The following GULP1 variants were observed in gnomAD, a reference collection of about 807,000 sequenced individuals.
The protein encoded by GULP1 is PTB domain-containing engulfment adapter protein 1.
GULP1 carries 19 observed loss-of-function variants against 40.9 expected under a neutral mutation model. The observed-to-expected ratio is 0.46, with a 90% confidence interval of 0.32 to 0.68. The LOEUF (loss-of-function observed/expected upper bound fraction) is 0.68, where lower values mean the gene tolerates loss of function less well. Among genes scored for constraint, GULP1 ranks in the 30% least tolerant of loss-of-function variants. GULP1 has a pLI of 0.03. For missense variants in GULP1, 312 were observed against 362.2 expected (o/e 0.86, Z 1.12); for synonymous variants, 119 against 117.6 (o/e 1.01, Z -0.08).
intron 6 of GULP1, among the ~76,000 whole-genome samples, chr2:188,538,262 G>T (rs1052574726): frequency 1.3e-5 from 2 of 151,908 alleles, no homozygotes; most frequent in African/African-American, 4.8e-5. Flanking sequence ...GTTCCTCTAG[G>T]TGTGATATTA....
At chr2:188,435,732 C>A (rs900151013) in intron 2 of GULP1, among the ~76,000 whole-genome samples, 2 of 152,052 alleles carry the variant, frequency 1.3e-5, no homozygotes, top group African/African-American at 2.4e-5. Flanking sequence ...TGTCGGAATT[C>A]ATTTCCTTGC....
At chr2:188,514,025 A>C (rs963773192) in intron 4 of GULP1, among the ~76,000 whole-genome samples, 2 of 102,186 alleles carry the variant, frequency 2.0e-5, no homozygotes, top group African/African-American at 6.5e-5. Flanking sequence ...GATCTGTCTA[A>C]ATGGTCCCCT....
intron 1 of GULP1, among the ~76,000 whole-genome samples, chr2:188,334,682 A>C (rs2042037481): frequency 6.6e-6 from 1 of 152,332 alleles, no homozygotes; most frequent in African/African-American, 2.4e-5. Flanking sequence ...GACCGACTAT[A>C]TCAAAATCCA....
chr2:188,393,392 T>C (rs1041948815), intron 2 of GULP1, among the ~76,000 whole-genome samples: 2 of 152,102 alleles, frequency 1.3e-5, no homozygotes, highest in African/African-American at 2.4e-5. Context: ...GAATAACTAC[T>C]CCTGCTTGAT....
chr2:188,463,484 G>C (rs895855003), intron 2 of GULP1, among the ~76,000 whole-genome samples: 7 of 151,962 alleles, frequency 4.6e-5, no homozygotes, highest in African/African-American at 1.4e-4. Flanking sequence ...AAATGCCTTA[G>C]GAGTCTTCTT....
intron 2 of GULP1, among the ~76,000 whole-genome samples, chr2:188,414,423 A>T (rs2054318876): frequency 6.6e-6 from 1 of 152,212 alleles, no homozygotes; most frequent in Non-Finnish European, 1.5e-5. Flanking sequence ...AATAATTTTT[A>T]TGATTTATTA....
At chr2:188,432,732 CTTAT>C (rs1440888363) in intron 2 of GULP1, among the ~76,000 whole-genome samples, 4 of 151,878 alleles carry the variant, frequency 2.6e-5, no homozygotes, top group Non-Finnish European at 5.9e-5. Flanking sequence ...TAAAACTCAG[CTTAT>C]TTATTTAATA....
intron 1 of GULP1, among the ~76,000 whole-genome samples, chr2:188,306,564 G>T (rs745748768): frequency 3.2e-4 from 48 of 152,116 alleles, no homozygotes; most frequent in Admixed American, 9.2e-4. Flanking sequence ...GTTCAAATGT[G>T]TAAGCAGGAG....
At chr2:188,521,565 G>A (rs2065781864) in intron 4 of GULP1, among the ~76,000 whole-genome samples, 1 of 152,130 alleles carries the variant, frequency 6.6e-6, no homozygotes, top group Non-Finnish European at 1.5e-5. Context: ...AGGCAAGAGA[G>A]CTTGTGTAAG....
chr2:188,565,708 T>A (rs1697487880), intron 7 of GULP1, among the ~76,000 whole-genome samples: 1 of 152,062 alleles, frequency 6.6e-6, no homozygotes, highest in African/African-American at 2.4e-5. Context: ...AACATATGTC[T>A]ACAAAAAGAT....
rs146376744 is a variant in GULP1, at chr2:188,537,667, A to G, written c.262-3514A>G. Reference sequence around the variant, plus strand: ...TTTCTTTTTTCACTGTATCTTTGCAATGTTTTGGTATCTGAATTATGCTGG... The same window carrying G: ...TTTCTTTTTTCACTGTATCTTTGCAGTGTTTTGGTATCTGAATTATGCTGG... On this transcript the variant is annotated intron_variant, in intron 6 of 11. Transcript: ENST00000409830. 1.8e-4 allele frequency among the ~76,000 whole-genome samples: 28 copies of G among 151,954 alleles called. No homozygotes were observed. In the East Asian group the frequency reaches 3.3e-3, roughly 18 times the overall value.
chr2:188,342,552 A>C (rs2043113434), intron 1 of GULP1, among the ~76,000 whole-genome samples: 1 of 152,158 alleles, frequency 6.6e-6, no homozygotes, highest in Non-Finnish European at 1.5e-5. Flanking sequence ...GGACTTGGAC[A>C]TATCTTTTGG....
chr2:188,500,923 A>G (rs1165711218), intron 4 of GULP1, among the ~76,000 whole-genome samples: 1 of 151,928 alleles, frequency 6.6e-6, no homozygotes, highest in Admixed American at 6.6e-5. Flanking sequence ...CTCTATTAGT[A>G]CTTTAGCAGC....
intron 4 of GULP1, among the ~76,000 whole-genome samples, chr2:188,507,472 A>G (rs1259059822): frequency 2.7e-5 from 4 of 147,062 alleles, no homozygotes; most frequent in Admixed American, 6.9e-5. Context: ...TGAAATTTGT[A>G]CTAGGTTAGC....
intron 2 of GULP1, among the ~76,000 whole-genome samples, chr2:188,477,325 A>G (rs2061094434): frequency 6.6e-6 from 1 of 152,144 alleles, no homozygotes; most frequent in Non-Finnish European, 1.5e-5. Context: ...GTGTTTATAT[A>G]CACACCTCTT....
chr2:188,441,948 G>C (rs1332724301), intron 2 of GULP1, among the ~76,000 whole-genome samples: 1 of 152,156 alleles, frequency 6.6e-6, no homozygotes, highest in Non-Finnish European at 1.5e-5. Context: ...TGTGTTGACA[G>C]TTTAAGACCT....
chr2:188,573,726 T>C (rs1699598549), intron 9 of GULP1, among the ~76,000 whole-genome samples: 1 of 136,302 alleles, frequency 7.3e-6, no homozygotes, highest in Admixed American at 7.4e-5. Flanking sequence ...ATTCAAAGGA[T>C]TAGAGGCAGT....
chr2:188,348,215 C>G (rs1367887311), intron 1 of GULP1, among the ~76,000 whole-genome samples: 1 of 152,128 alleles, frequency 6.6e-6, no homozygotes, highest in Non-Finnish European at 1.5e-5. Flanking sequence ...TTCTCTGATA[C>G]TATTTTAAAA....
At chr2:188,587,546 A>G (rs1044834235) in intron 10 of GULP1, among the ~76,000 whole-genome samples, 1 of 152,140 alleles carries the variant, frequency 6.6e-6, no homozygotes, top group Admixed American at 6.5e-5. Flanking sequence ...AATAAAATAT[A>G]GGTGTTGTAA....
Sources: allele counts gnomAD v4.1 joint callset (sites outside exome capture counted in the v4.1 genomes callset), GRCh38; gene constraint gnomAD v4.1.1; transcripts MANE v1.5; gene names NCBI Gene and HGNC (gene_info 2026-07-23, HGNC 2026-07-21).